FANCD2: variants seen among roughly 807,000 people sequenced by gnomAD.
FANCD2 encodes the protein Fanconi anemia group D2 protein.
In FANCD2, 131 loss-of-function variants were observed where a neutral mutation model predicts 192.3. The ratio of observed to expected loss-of-function variants is 0.68; its 90% confidence interval spans 0.59 to 0.79. FANCD2 has a LOEUF of 0.79. FANCD2 is among the 30% of genes least tolerant of loss of function. The pLI is 0.00. For missense variants in FANCD2, 1,508 were observed against 1,701.6 expected, an observed-to-expected ratio of 0.89 and a Z score of 2.00; for synonymous variants, 524 against 612.5, an observed-to-expected ratio of 0.86 and a Z score of 2.13.
At chr3:10,092,397 T>A in intron 38 of FANCD2, 145 bp downstream of exon 38, 1 of 746,028 alleles carries the variant, frequency 1.3e-6, no homozygotes, top group East Asian at 2.5e-5. Flanking sequence ...TTTGTCCCCC[T>A]ACCCATCCTG....
At chr3:10,093,919 G>T (rs1010308688) in intron 39 of FANCD2, among the ~76,000 whole-genome samples, 1 of 152,168 alleles carries the variant, frequency 6.6e-6, no homozygotes, top group African/African-American at 2.4e-5. Context: ...TCATTTATCT[G>T]ATTGGGAAAT....
intron 26 of FANCD2, among the ~76,000 whole-genome samples, chr3:10,070,509 GGGTCAGCCCC>G (rs1206384351): frequency 6.0e-5 from 5 of 83,638 alleles, no homozygotes; most frequent in Admixed American, 1.0e-4. Flanking sequence ...GAGGTGGGGG[GGGTCAGCCCC>G]CTGTCCGGCC....
chr3:10,098,849 G>A (rs2125101163), intron 43 of FANCD2, 34 bp downstream of exon 43: 1 of 1,614,218 alleles, frequency 6.2e-7, no homozygotes, highest in Non-Finnish European at 8.5e-7. Flanking sequence ...GTCTGGCACT[G>A]ATGGTTGCAT....
chr3:10,093,400 A>C (rs901210401), intron 39 of FANCD2, 77 bp downstream of exon 39: 2 of 1,250,926 alleles, frequency 1.6e-6, no homozygotes, highest in African/African-American at 2.9e-5. Context: ...GCTGAGATAA[A>C]TTGCTCAATT....
intron 32 of FANCD2, among the ~76,000 whole-genome samples, chr3:10,083,019 G>A (rs1310268934): frequency 6.6e-6 from 1 of 152,164 alleles, no homozygotes; most frequent in African/African-American, 2.4e-5. Flanking sequence ...TTGAGCTCAG[G>A]AGTTCGAGAC....
chr3:10,047,215 T>C (rs2087045713), intron 15 of FANCD2, among the ~76,000 whole-genome samples: 2 of 152,298 alleles, frequency 1.3e-5, no homozygotes, highest in African/African-American at 4.8e-5. Context: ...ATTTTATATT[T>C]AGGAATAGAT....
intron 42 of FANCD2, among the ~76,000 whole-genome samples, chr3:10,097,950 G>T (rs561038450): frequency 2.4e-3 from 368 of 152,022 alleles, no homozygotes; most frequent in African/African-American, 8.5e-3. Context: ...CTGACTTCCC[G>T]CAACAATCTC....
At chr3:10,069,161 T>C (rs905264102) in intron 26 of FANCD2, among the ~76,000 whole-genome samples, 1 of 151,978 alleles carries the variant, frequency 6.6e-6, no homozygotes, top group Admixed American at 6.6e-5. Flanking sequence ...TCACATTAAG[T>C]TAAAAAGTTA....
chr3:10,043,117 C>G lies in FANCD2; in HGVS notation c.956C>G (p.Ser319Cys), dbSNP rs1575748741. 6.2e-7 allele frequency: 1 copy of G among 1,614,034 alleles called. No individual in the cohort carries two copies. The highest frequency in any genetic ancestry group is 8.5e-7 in the Non-Finnish European group (1 of 1,180,000). Residue 319 changes from serine (S) to cysteine (C), a missense_variant, in exon 12 of 44, where the codon TCC (serine) becomes TGC (cysteine). Around this residue, in one of 5 missense-constraint regions of FANCD2, gnomAD observed 435 missense variants for 421.9 expected, o/e 1.03. Coordinates refer to ENST00000675286, the MANE Select transcript of FANCD2 (RefSeq NM_001018115.3). ...HCVLPSRLQA[S>C]QVKLKSKGRA... ...GTTTTGCCATCACGGTTACAGGCTT[C>G]CCAAGTAAAGTTGAAAAGTAAAGGA...
intron 17 of FANCD2, among the ~76,000 whole-genome samples, chr3:10,052,138 T>G (rs1334383765): frequency 6.6e-6 from 1 of 152,150 alleles, no homozygotes; most frequent in African/African-American, 2.4e-5. Context: ...TCCTGATAGT[T>G]AGTTCCTAGT....
intron 10 of FANCD2, 80 bp downstream of exon 10, chr3:10,041,790 G>T (rs2086869907): frequency 1.1e-6 from 1 of 938,470 alleles, no homozygotes; most frequent in Non-Finnish European, 1.8e-6. Flanking sequence ...ATTGCCTTGG[G>T]AGTAATGAAT....
rs138111025 is a variant in FANCD2 at position 10,101,402 on chromosome 3, T to TA, written c.*143dup. ...CTTTTTTTTTTTTTTTTTTTTTTTT[T>TA]AAAGACGGGGACTCGCTGTGTTTCC... On this transcript the variant is annotated 3_prime_UTR_variant, in exon 44 of 44. Coordinates refer to ENST00000675286, the MANE Select transcript of FANCD2 (RefSeq NM_001018115.3). 0.011 allele frequency: 5,949 copies of TA among 539,050 alleles called. 77 individuals carry two copies. The highest frequency in any genetic ancestry group is 0.015 in the South Asian group (745 of 50,484). 33.4% of individuals were successfully genotyped at this position (539,050 alleles called of 1,614,324 possible).
chr3:10,072,407 T>G (rs1464184885), intron 26 of FANCD2, among the ~76,000 whole-genome samples: 3 of 151,848 alleles, frequency 2.0e-5, no homozygotes, highest in Non-Finnish European at 4.4e-5. Flanking sequence ...GCCTCCCAAG[T>G]AGCTGGGATT....
chr3:10,041,298 G>T, intron 9 of FANCD2: 1 of 310,888 alleles, frequency 3.2e-6, no homozygotes, highest in Non-Finnish European at 6.1e-6. Flanking sequence ...ATACTTATCA[G>T]ATTTCATTGT....
intron 17 of FANCD2, among the ~76,000 whole-genome samples, chr3:10,051,545 G>C (rs995803700): frequency 2.0e-5 from 3 of 152,066 alleles, no homozygotes; most frequent in African/African-American, 7.2e-5. Flanking sequence ...TATAAGGGTG[G>C]AAGCCAGAGA....
At chr3:10,077,218 G>A (rs1019717987) in intron 29 of FANCD2, among the ~76,000 whole-genome samples, 3 of 151,904 alleles carry the variant, frequency 2.0e-5, no homozygotes, top group Non-Finnish European at 4.4e-5. Flanking sequence ...GAGCAACAGA[G>A]CGAGACCCTG....
intron 2 of FANCD2, 146 bp from the exon 3 acceptor site, chr3:10,032,686 G>A (rs2086633022): frequency 2.9e-6 from 2 of 692,298 alleles, no homozygotes; most frequent in Non-Finnish European, 5.1e-6. Flanking sequence ...CACTATTGCT[G>A]AAGACAGTTT....
chr3:10,079,562 C>A (rs1401285447), intron 30 of FANCD2, among the ~76,000 whole-genome samples: 1 of 151,930 alleles, frequency 6.6e-6, no homozygotes, highest in East Asian at 2.0e-4. Flanking sequence ...CCTCGGCCTC[C>A]CAATCCGCCC....
chr3:10,082,995 G>A (rs1485897712), intron 32 of FANCD2, among the ~76,000 whole-genome samples: 1 of 152,188 alleles, frequency 6.6e-6, no homozygotes, highest in Non-Finnish European at 1.5e-5. Flanking sequence ...GGGAGGCCAA[G>A]GTGGGTGGAT....
Sources: allele counts gnomAD v4.1 joint callset (sites outside exome capture counted in the v4.1 genomes callset), GRCh38; gene constraint gnomAD v4.1.1; regional missense constraint gnomAD v4.1.1; transcripts MANE v1.5; gene names NCBI Gene and HGNC (gene_info 2026-07-23, HGNC 2026-07-21).